The following SGSM1 variants were observed in gnomAD, a reference collection of about 807,000 sequenced individuals.
SGSM1 encodes the protein RUN and TBC1 domain containing 2.
A neutral mutation model predicts 133.8 loss-of-function variants in SGSM1; 73 were observed. The observed-to-expected ratio is 0.55, with a 90% CI of 0.45 to 0.66. The LOEUF is 0.66. Ranked by LOEUF, SGSM1 falls within the 30% of genes least tolerant of loss-of-function variation. SGSM1 has a pLI of 0.00. For missense variants in SGSM1, 1,213 were observed against 1,448.1 expected (o/e 0.84, Z 2.64); for synonymous variants, 563 against 573.0 (o/e 0.98, Z 0.25).
chr22:24,848,111 A>G (rs1930259914), intron 4 of SGSM1, among the ~76,000 whole-genome samples: 1 of 151,642 alleles, frequency 6.6e-6, no homozygotes, highest in East Asian at 1.9e-4. Context: ...TTGGTTGGCC[A>G]TCTATAGTTA....
At position 24,886,709 on chromosome 22, in the gene SGSM1, C is replaced by T. The variant is rs200427654; in HGVS notation, c.1751C>T (p.Thr584Met). Residue 584 changes from threonine to methionine, a missense_variant, in exon 16 of 25, where the codon ACG (threonine) becomes ATG (methionine). Transcript: ENST00000400358. ...FLLGHYQFGM[T>M]ETERKEVDEQ... ...CTGGGCCACTACCAGTTCGGGATGA[C>T]GGAAACAGAAAGGAAAGAGGTCGGT... 9.2e-5 allele frequency: 145 copies of T among 1,583,530 alleles called. No individual in the cohort carries two copies. The African/African-American group carries it at 1.2e-3, about 14-fold the overall frequency.
intron 4 of SGSM1, among the ~76,000 whole-genome samples, chr22:24,848,273 G>C (rs749760240): frequency 6.6e-6 from 1 of 151,890 alleles, no homozygotes; most frequent in Non-Finnish European, 1.5e-5. Context: ...CAATTGTTGA[G>C]TGAGTGCCTG....
intron 8 of SGSM1, among the ~76,000 whole-genome samples, chr22:24,856,720 T>C (rs894058134): frequency 6.6e-6 from 1 of 152,138 alleles, no homozygotes; most frequent in Non-Finnish European, 1.5e-5. Context: ...CAAAACCCTA[T>C]TGCCGCAAAT....
At chr22:24,848,029 A>G (rs1930252595) in intron 4 of SGSM1, among the ~76,000 whole-genome samples, 1 of 151,832 alleles carries the variant, frequency 6.6e-6, no homozygotes, top group African/African-American at 2.4e-5. Context: ...ACCTATCGTT[A>G]TCTCAGAAAA....
chr22:24,892,806 T>C (rs1932836534), intron 16 of SGSM1, among the ~76,000 whole-genome samples: 2 of 149,784 alleles, frequency 1.3e-5, no homozygotes, highest in Non-Finnish European at 1.5e-5. Flanking sequence ...CCCAGCACTT[T>C]GGGAGGCTGA....
intron 2 of SGSM1, among the ~76,000 whole-genome samples, chr22:24,812,897 G>C (rs1360607579): frequency 6.6e-6 from 1 of 152,162 alleles, no homozygotes; most frequent in African/African-American, 2.4e-5. Flanking sequence ...GTAAAGCAAT[G>C]TCTTTGCTCA....
Position 24,924,318 on chromosome 22 carries a change from C to T in SGSM1, c.*44C>T, listed in dbSNP as rs367825752. The stretch of plus-strand genomic sequence containing the variant: ...AGCCTCAGCCAAGCTGCCCCTGCCC[C>T]GCTCCTCTGCTTACTTTTCCTCCTG... On this transcript the variant is annotated 3_prime_UTR_variant, in exon 25 of 25. Coordinates refer to ENST00000400358, the MANE Select transcript of SGSM1 (RefSeq NM_001098497.3). 1.9e-6 allele frequency: 3 copies of T among 1,554,936 alleles called. No homozygotes were observed. The highest frequency in any genetic ancestry group is 1.1e-5 in the South Asian group (1 of 89,500).
rs200650275 is a variant in SGSM1 at position 24,854,377 on chromosome 22, CAG to C, written c.456-617_456-616del. 1.1e-3 allele frequency among the ~76,000 whole-genome samples: 162 copies of C among 152,296 alleles called. 1 individual carries two copies. In the East Asian group the frequency reaches 0.024, roughly 22 times the overall value. The stretch of plus-strand genomic sequence containing the variant: ...TCTCAAATGGGAGATGTGGTAGAGG[CAG>C]ATAGAGTCAGCCAGGCCTCCACAAC... On this transcript the variant is annotated intron_variant, in intron 5 of 24. Transcript: ENST00000400358.
At chr22:24,827,329 C>T (rs1928854725) in intron 2 of SGSM1, among the ~76,000 whole-genome samples, 1 of 151,888 alleles carries the variant, frequency 6.6e-6, no homozygotes, top group Non-Finnish European at 1.5e-5. Context: ...CACTCACTTG[C>T]CCTGAGTCCC....
chr22:24,901,941 C>G lies in SGSM1; in HGVS notation c.2719C>G (p.Arg907Gly), dbSNP rs1933180068. The change falls in exon 20 of 25, where the codon CGT becomes GGT. Residue 907 changes from arginine to glycine, a missense_variant. By Grantham distance (125) the Arg-to-Gly change is moderately radical. Transcript: ENST00000400358. ...CACGCCCGCCAACTTGGAGAAGCTG[C>G]GTAACATCATGTGCAGGTGGCTGGG... The part of the protein sequence containing the change: ...YFTPANLEKL[R>G]NIMCSYIWQH... The G allele has an allele frequency of 7.2e-7, 1 of 1,391,488 alleles. No individual in the cohort carries two copies. Among genetic ancestry groups the G allele is most frequent in the African/African-American group, 1.6e-5 (1 of 62,628 alleles). The allele number at this position is 1,391,488 out of a possible 1,614,324, so 86.2% of individuals were successfully genotyped here.
chr22:24,884,338 T>C (rs1932492235), intron 15 of SGSM1, 140 bp downstream of exon 15: 1 of 1,153,356 alleles, frequency 8.7e-7, no homozygotes, highest in Non-Finnish European at 1.2e-6. Flanking sequence ...GGAGTTCCCC[T>C]TCTCCTTGAG....
chr22:24,895,093 TGA>T (rs1932882908), intron 17 of SGSM1, 128 bp from the exon 18 acceptor site: 2 of 869,060 alleles, frequency 2.3e-6, no homozygotes, highest in Non-Finnish European at 3.7e-6. Flanking sequence ...ACTGATGCTC[TGA>T]GAGAGGACTT....
At chr22:24,911,793 G>C (rs9620458) in intron 21 of SGSM1, among the ~76,000 whole-genome samples, 3 of 152,172 alleles carry the variant, frequency 2.0e-5, no homozygotes, top group Non-Finnish European at 4.4e-5. Context: ...GGTGGCTCAC[G>C]CCTTTAATCC....
intron 21 of SGSM1, among the ~76,000 whole-genome samples, chr22:24,907,911 CAAAA>C (rs796505229): frequency 4.9e-4 from 28 of 57,072 alleles, no homozygotes; most frequent in Middle Eastern, 0.01. Context: ...GACGCCATCT[CAAAA>C]AAAAAAAAAA....
chr22:24,821,956 G>A (rs774399056), intron 2 of SGSM1, among the ~76,000 whole-genome samples: 7 of 152,186 alleles, frequency 4.6e-5, no homozygotes, highest in Non-Finnish European at 1.0e-4. Context: ...TGACATCGGG[G>A]TTCACTCTTG....
chr22:24,893,483 G>A lies in SGSM1; in HGVS notation c.1823G>A (p.Gly608Asp). Reference protein sequence around the residue: ...CYAQTMAEWLGCEAIVRQRER... With the variant: ...CYAQTMAEWLDCEAIVRQRER... ...GCACAGACCATGGCTGAGTGGCTGGGCTGCGAGGCGATCGTGCGGCAGAGG... is the reference window on the plus strand; with the variant it reads ...GCACAGACCATGGCTGAGTGGCTGGACTGCGAGGCGATCGTGCGGCAGAGG... The change falls in exon 17 of 25, where the codon GGC becomes GAC. Residue 608 changes from glycine (G) to aspartate (D), a missense_variant. Coordinates refer to ENST00000400358, the MANE Select transcript of SGSM1 (RefSeq NM_001098497.3). 4.3e-6 allele frequency: 7 copies of A among 1,613,880 alleles called. No homozygotes were observed. The highest frequency in any genetic ancestry group is 5.9e-6 in the Non-Finnish European group (7 of 1,179,838).
At chr22:24,824,995 GTT>G (rs1054465500) in intron 2 of SGSM1, among the ~76,000 whole-genome samples, 7 of 152,228 alleles carry the variant, frequency 4.6e-5, no homozygotes, top group African/African-American at 1.7e-4. Flanking sequence ...ATGAATGACA[GTT>G]TTGGTTCCTG....
At chr22:24,850,557 A>G in intron 5 of SGSM1, 125 bp downstream of exon 5, 1 of 1,346,836 alleles carries the variant, frequency 7.4e-7, no homozygotes, top group Non-Finnish European at 9.9e-7. Flanking sequence ...TTTGAAAGTG[A>G]TTAAATGCTT....
chr22:24,866,774 A>G (rs1488036873), intron 9 of SGSM1, among the ~76,000 whole-genome samples: 1 of 152,192 alleles, frequency 6.6e-6, no homozygotes, highest in Non-Finnish European at 1.5e-5. Flanking sequence ...TGCACTGAAC[A>G]CTGTGGCCGG....
Sources: gnomAD v4.1 joint callset for allele counts (sites outside exome capture counted in the v4.1 genomes callset) on GRCh38, gnomAD v4.1.1 for gene constraint, MANE v1.5 for transcripts, NCBI Gene and HGNC (gene_info 2026-07-23, HGNC 2026-07-21) for gene names.